The following DSCAML1 variants were observed in gnomAD, a reference collection of about 807,000 sequenced individuals.
DSCAML1 encodes cell adhesion molecule DSCAML1.
DSCAML1 carries 38 observed loss-of-function variants against 200.5 expected under a neutral mutation model. The observed-to-expected ratio is 0.19, with a 90% CI of 0.15 to 0.25. The LOEUF (loss-of-function observed/expected upper bound fraction) is 0.25. Among genes scored for constraint, DSCAML1 ranks in the 10% least tolerant of loss-of-function variants. DSCAML1 has a pLI of 1.00. For missense variants in DSCAML1, 2,223 were observed against 2,858.8 expected (o/e 0.78, Z 5.07); for synonymous variants, 1,215 against 1,165.0 (o/e 1.04, Z -0.87).
At position 117,518,317 on chromosome 11, in the gene DSCAML1, G is replaced by T. The variant is rs895612195; in HGVS notation, c.1510+149C>A. 42 of 1,098,186 alleles carry T rather than the reference G, an allele frequency of 3.8e-5. No homozygotes were observed. Among genetic ancestry groups the T allele is most frequent in the Non-Finnish European group, 5.5e-5 (41 of 747,966 alleles). The allele number at this position is 1,098,186 out of a possible 1,614,324, so 68.0% of individuals were successfully genotyped here. On this transcript the variant is annotated intron_variant, in intron 7 of 32. Coordinates refer to ENST00000651296, the MANE Select transcript of DSCAML1 (RefSeq NM_020693.4). The surrounding 1 kb of genome is among the most constrained non-coding windows in gnomAD (Gnocchi z 6.3). Reference sequence around the variant, plus strand: ...GGATGATGGCGCTTGAGGAGGGCAGGAAAAGGGGACGAGAGAGGGGAGAGA... The same window carrying T: ...GGATGATGGCGCTTGAGGAGGGCAGTAAAAGGGGACGAGAGAGGGGAGAGA...
At chr11:117,810,332 G>A (rs34836631) in intron 1 of DSCAML1, among the ~76,000 whole-genome samples, 31,529 of 151,694 alleles carry the variant, frequency 0.21, 4,126 homozygotes, top group Non-Finnish European at 0.29. Flanking sequence ...GGCAAGTCCC[G>A]CTTTTCTAGG....
chr11:117,461,105 C>A (rs2048472874), intron 18 of DSCAML1, among the ~76,000 whole-genome samples: 4 of 152,080 alleles, frequency 2.6e-5, no homozygotes, highest in Admixed American at 2.6e-4. Flanking sequence ...CCTATCATGC[C>A]CCCAACACTT....
At chr11:117,618,893 C>A (rs945079902) in intron 3 of DSCAML1, among the ~76,000 whole-genome samples, 1 of 152,126 alleles carries the variant, frequency 6.6e-6, no homozygotes. Flanking sequence ...CACTACCGCT[C>A]ACTGGGGGTG....
chr11:117,497,907 G>A (rs1488145953), intron 11 of DSCAML1, among the ~76,000 whole-genome samples: 1 of 152,260 alleles, frequency 6.6e-6, no homozygotes, highest in East Asian at 1.9e-4. Flanking sequence ...GCTGCTTGCA[G>A]ATGCAGCAGA....
At position 117,428,607 on chromosome 11, in the gene DSCAML1, G is replaced by A. The variant is rs140530446; in HGVS notation, c.5883C>T (p.Pro1961=). The change falls in exon 33 of 33, where the codon CCC becomes CCT. Residue 1961 remains proline (P), a synonymous_variant. Transcript: ENST00000651296. ...GTAAGGTGGCTGTGGAGGCGGCAGC[G>A]GGGGCCCCTGGGTGGGGAAGGCCCA... ...KSLGLPHPGA[P]AAASTATLPQ... is the part of the protein sequence containing the mutation. 4.9e-5 allele frequency: 78 copies of A among 1,604,994 alleles called. No homozygotes were observed. The highest frequency in any genetic ancestry group is 4.1e-4 in the African/African-American group (31 of 74,788).
chr11:117,484,487 C>T lies in DSCAML1; in HGVS notation c.2360-2325G>A, dbSNP rs545452840. The stretch of plus-strand genomic sequence containing the variant: ...TGAAGCAGATAAATTTTATAATGCA[C>T]GGCATTACACTAGGATATACAATAA... On this transcript the variant is annotated intron_variant, in intron 11 of 32. Transcript: ENST00000651296. 4.6e-5 allele frequency among the ~76,000 whole-genome samples: 7 copies of T among 152,266 alleles called. No homozygotes were observed. In the East Asian group the frequency reaches 5.8e-4, roughly 13 times the overall value.
chr11:117,767,760 C>T (rs76413548), intron 3 of DSCAML1, among the ~76,000 whole-genome samples: 1 of 152,282 alleles, frequency 6.6e-6, no homozygotes, highest in East Asian at 1.9e-4. Context: ...AAGCTCTGGT[C>T]CATGCCCAAG....
intron 1 of DSCAML1, among the ~76,000 whole-genome samples, chr11:117,792,577 C>G (rs2055491155): frequency 1.3e-5 from 2 of 152,128 alleles, no homozygotes; most frequent in South Asian, 4.1e-4. Context: ...GAAGCCACGA[C>G]CACCTCCCAG....
intron 3 of DSCAML1, among the ~76,000 whole-genome samples, chr11:117,636,786 T>C (rs1322965037): frequency 1.3e-5 from 2 of 152,244 alleles, no homozygotes; most frequent in African/African-American, 4.8e-5. Flanking sequence ...CTGTGAATTT[T>C]ACATCTACTT....
In DSCAML1 at chr11:117,516,888, G is replaced by A. The variant is rs902953771; in HGVS notation, c.1511-149C>T. 5 of 977,242 alleles carry A rather than the reference G, an allele frequency of 5.1e-6. No homozygotes were observed. In the African/African-American group the frequency reaches 6.6e-5, roughly 13 times the overall value. The allele number at this position is 977,242 out of a possible 1,614,324, so 60.5% of individuals were successfully genotyped here. On this transcript the variant is annotated intron_variant, in intron 7 of 32. Transcript: ENST00000651296. This position sits in a 1 kb window ranked among gnomAD's most constrained non-coding sequence, Gnocchi z 5.7. ...GGACATTTGGTGGGGGCACAGGGAT[G>A]CCTTTTTACAAAGCTACAGACAGGG...
intron 3 of DSCAML1, among the ~76,000 whole-genome samples, chr11:117,706,232 T>C (rs2053757142): frequency 6.6e-6 from 1 of 152,222 alleles, no homozygotes; most frequent in Non-Finnish European, 1.5e-5. Flanking sequence ...TTACATGAGC[T>C]GTGTCTGCTA....
intron 3 of DSCAML1, among the ~76,000 whole-genome samples, chr11:117,627,815 C>A (rs1229219527): frequency 2.0e-5 from 3 of 152,090 alleles, no homozygotes; most frequent in Admixed American, 2.0e-4. Flanking sequence ...GGCCCCGCTG[C>A]CCACATGCCT....
At chr11:117,514,833 C>T (rs372906439) in intron 8 of DSCAML1, among the ~76,000 whole-genome samples, 3 of 152,308 alleles carry the variant, frequency 2.0e-5, no homozygotes, top group East Asian at 3.9e-4. Flanking sequence ...CCGCCTACCT[C>T]GGCTTCCCAA....
intron 6 of DSCAML1, among the ~76,000 whole-genome samples, chr11:117,520,639 G>T (rs1358818943): frequency 6.7e-6 from 1 of 148,584 alleles, no homozygotes; most frequent in African/African-American, 2.5e-5. Flanking sequence ...AAAAAAAAAA[G>T]TAAAGGCCTC....
At chr11:117,761,493 T>C (rs2054801906) in intron 3 of DSCAML1, among the ~76,000 whole-genome samples, 1 of 152,242 alleles carries the variant, frequency 6.6e-6, no homozygotes, top group Non-Finnish European at 1.5e-5. Context: ...ATGGCTTGGA[T>C]TGAGTCCCAA....
chr11:117,508,965 G>A (rs142800573), intron 8 of DSCAML1, among the ~76,000 whole-genome samples: 2 of 152,236 alleles, frequency 1.3e-5, no homozygotes, highest in East Asian at 3.9e-4. Context: ...ACTAAGGCAG[G>A]TTAATTCATT....
intron 3 of DSCAML1, among the ~76,000 whole-genome samples, chr11:117,743,022 T>TCCATCCATCCATCCATCCAC (rs1343957031): frequency 1.3e-5 from 2 of 151,820 alleles, no homozygotes; most frequent in Admixed American, 6.6e-5. Context: ...CATCCATCCA[T>TCCATCCATCCATCCATCCAC]CCATCCACCC....
chr11:117,512,313 C>T (rs2049639568), intron 8 of DSCAML1, among the ~76,000 whole-genome samples: 1 of 152,186 alleles, frequency 6.6e-6, no homozygotes, highest in Non-Finnish European at 1.5e-5. Flanking sequence ...AGGGCCCCCG[C>T]CATGCCCACG....
At chr11:117,530,577 C>T (rs57434987) in intron 4 of DSCAML1, among the ~76,000 whole-genome samples, 1 of 152,132 alleles carries the variant, frequency 6.6e-6, no homozygotes, top group African/African-American at 2.4e-5. Flanking sequence ...CTCGGCACCT[C>T]GTGTGTGTTA....
Sources: gnomAD v4.1 joint callset for allele counts (sites outside exome capture counted in the v4.1 genomes callset) on GRCh38, gnomAD v4.1.1 for gene constraint, Gnocchi (gnomAD v3.1) non-coding constraint, MANE v1.5 for transcripts, NCBI Gene and HGNC (gene_info 2026-07-23, HGNC 2026-07-21) for gene names.